CLVS1: variants seen among roughly 807,000 people sequenced by gnomAD.
CLVS1 encodes the protein clavesin 1.
CLVS1 carries 10 observed loss-of-function variants against 33.1 expected under a neutral mutation model. The observed-to-expected ratio is 0.30, with a 90% CI of 0.19 to 0.51. CLVS1 has a LOEUF of 0.51. Among genes scored for constraint, CLVS1 ranks in the 20% least tolerant of loss-of-function variants. The pLI, the probability that CLVS1 is intolerant of heterozygous loss-of-function variation, is 0.97. For synonymous variants in CLVS1, 163 were observed against 166.1 expected, an observed-to-expected ratio of 0.98 and a Z score of 0.14; for missense variants, 343 against 433.4, an observed-to-expected ratio of 0.79 and a Z score of 1.85.
chr8:61,147,419 AC>A (rs1806442597), intron 2 of CLVS1, among the ~76,000 whole-genome samples: 1 of 151,972 alleles, frequency 6.6e-6, no homozygotes, highest in Admixed American at 6.6e-5. Context: ...AATTGAAAAA[AC>A]CCGGGTGTAA....
At chr8:61,477,810 C>G (rs1818012975) in intron 5 of CLVS1, among the ~76,000 whole-genome samples, 1 of 152,162 alleles carries the variant, frequency 6.6e-6, no homozygotes, top group South Asian at 2.1e-4. Flanking sequence ...CATTTCTGCT[C>G]TGATCTTAGT....
chr8:61,061,500 C>G (rs1286071774), intron 1 of CLVS1, among the ~76,000 whole-genome samples: 3 of 152,098 alleles, frequency 2.0e-5, no homozygotes, highest in Admixed American at 1.3e-4. Context: ...TCCGGCTCCT[C>G]CCCATGAAGT....
chr8:60,999,663 A>T, the CLVS1 span, among the ~76,000 whole-genome samples: 7 of 152,382 alleles, frequency 4.6e-5, no homozygotes, highest in African/African-American at 1.4e-4. Flanking sequence ...CAGAAAATAG[A>T]TAAAAGATGA....
intron 1 of CLVS1, among the ~76,000 whole-genome samples, chr8:61,099,882 A>G (rs757349846): frequency 5.3e-5 from 8 of 152,270 alleles, no homozygotes; most frequent in Non-Finnish European, 1.2e-4. Flanking sequence ...GAATATACTT[A>G]AAAATACAAG....
the CLVS1 span, among the ~76,000 whole-genome samples, chr8:61,001,654 C>T: frequency 1.7e-3 from 258 of 152,322 alleles, no homozygotes; most frequent in African/African-American, 6.0e-3. Context: ...CTCCCCTTTG[C>T]CTTTTAAATC....
intron 2 of CLVS1, among the ~76,000 whole-genome samples, chr8:61,204,951 G>T (rs75526282): frequency 6.6e-6 from 1 of 152,268 alleles, no homozygotes; most frequent in African/African-American, 2.4e-5. Flanking sequence ...ATTAGAAATG[G>T]TTGAACTTTT....
Position 61,370,276 on chromosome 8 carries a change from T to G in CLVS1, c.456-6329T>G, listed in dbSNP as rs181918861. 7 of 152,254 alleles carry G rather than the reference T, an allele frequency of 4.6e-5. No homozygotes were observed. The East Asian group carries it at 1.4e-3, about 29-fold the overall frequency. The allele number at this position is 152,254 out of a possible 1,614,324, so 9.4% of individuals were successfully genotyped here. A position where few individuals can be genotyped will look rare whatever the true frequency, so the allele number is the denominator to read the frequency against. On this transcript the variant is annotated intron_variant, in intron 2 of 5. Coordinates refer to ENST00000325897, the MANE Select transcript of CLVS1 (RefSeq NM_173519.3). The stretch of plus-strand genomic sequence containing the variant: ...GTGTTCGGTTACATGGATAAGTTCT[T>G]TAGTAGATTTTGGTGCACCTGTCAC...
At chr8:61,362,335 G>C (rs1005680157) in intron 2 of CLVS1, among the ~76,000 whole-genome samples, 5 of 152,138 alleles carry the variant, frequency 3.3e-5, no homozygotes, top group Non-Finnish European at 7.4e-5. Context: ...TTCATACATT[G>C]GTCAGTCTCC....
At chr8:61,030,456 G>C in the CLVS1 span, among the ~76,000 whole-genome samples, 1 of 152,170 alleles carries the variant, frequency 6.6e-6, no homozygotes. Context: ...TGGTTATAGG[G>C]AAATAAAGGC....
chr8:61,354,995 T>G (rs1280745287), intron 2 of CLVS1, among the ~76,000 whole-genome samples: 1 of 152,202 alleles, frequency 6.6e-6, no homozygotes, highest in East Asian at 1.9e-4. Context: ...CATCTGAATC[T>G]ACAGTTACCT....
chr8:61,296,077 C>T (rs1441207887), intron 1 of CLVS1, among the ~76,000 whole-genome samples: 1 of 152,152 alleles, frequency 6.6e-6, no homozygotes. Context: ...AATGCTATAT[C>T]CTGGTGAACA....
chr8:61,146,118 A>G (rs573425298), intron 2 of CLVS1, among the ~76,000 whole-genome samples: 1 of 152,258 alleles, frequency 6.6e-6, no homozygotes, highest in South Asian at 2.1e-4. Context: ...TGTCATCACC[A>G]TCAACATCAG....
chr8:61,211,150 T>C (rs967091404), intron 2 of CLVS1, among the ~76,000 whole-genome samples: 1 of 152,016 alleles, frequency 6.6e-6, no homozygotes, highest in Non-Finnish European at 1.5e-5. Flanking sequence ...TTCTGAACAG[T>C]TTCAGTCAGG....
intron 3 of CLVS1, among the ~76,000 whole-genome samples, chr8:61,381,500 G>A (rs564100409): frequency 8.5e-5 from 13 of 152,180 alleles, no homozygotes; most frequent in East Asian, 1.9e-4. Context: ...TAAACTGTAC[G>A]TTGCTGAGGT....
At position 61,275,117 on chromosome 8, in the gene CLVS1, C is replaced by T. The variant is rs138390898; in HGVS notation, c.-151-24560C>T. ...AATTGGAGTGGAAGAAAAATATTATCGAACCCAGAGATTGCAAACAGGAGA... is the reference window on the plus strand; with the variant it reads ...AATTGGAGTGGAAGAAAAATATTATTGAACCCAGAGATTGCAAACAGGAGA... On this transcript the variant is annotated intron_variant, in intron 2 of 2. Coordinates refer to the CLVS1 transcript ENST00000522621. Among the ~76,000 whole-genome samples the T allele has an allele frequency of 5.9e-5, 9 of 152,236 alleles. No homozygotes were observed. In the East Asian group the frequency reaches 1.2e-3, roughly 20 times the overall value.
At chr8:61,307,592 C>T (rs870002) in intron 2 of CLVS1, among the ~76,000 whole-genome samples, 77,312 of 151,840 alleles carry the variant, frequency 0.51, 20,245 homozygotes, top group East Asian at 0.82. Context: ...TTTTAAAAAC[C>T]CACAATGCAA....
At chr8:61,464,000 G>A (rs1385500344) in intron 5 of CLVS1, among the ~76,000 whole-genome samples, 1 of 151,098 alleles carries the variant, frequency 6.6e-6, no homozygotes, top group African/African-American at 2.5e-5. Flanking sequence ...TTGAACCTGG[G>A]CGGGTGGAGG....
rs369025438 is a variant in CLVS1 at position 61,181,697 on chromosome 8, C to CTTTTTTT, written c.-152+49851_-152+49857dup. 5.4e-4 allele frequency among the ~76,000 whole-genome samples: 56 copies of CTTTTTTT among 103,188 alleles called. 1 individual carries two copies. Among genetic ancestry groups the CTTTTTTT allele is most frequent in the Non-Finnish European group, 8.8e-4 (47 of 53,544 alleles). The allele number at this position is 103,188 out of a possible 152,430, so 67.7% of individuals were successfully genotyped here. A position where few individuals can be genotyped will look rare whatever the true frequency, so the allele number is the denominator to read the frequency against. ...TACCACACATCTACAACCATCTGAT[C>CTTTTTTT]TTTTTTTTTTTTTTTTTTTTGAGAT... On this transcript the variant is annotated intron_variant, in intron 2 of 2. Transcript: ENST00000522621.
At chr8:61,130,752 C>A (rs1460876644) in intron 1 of CLVS1, among the ~76,000 whole-genome samples, 7 of 152,146 alleles carry the variant, frequency 4.6e-5, no homozygotes, top group Admixed American at 3.9e-4. Context: ...ATGATAGTAA[C>A]CCCACACCCC....
Sources: allele counts gnomAD v4.1 joint callset (sites outside exome capture counted in the v4.1 genomes callset), GRCh38; gene constraint gnomAD v4.1.1; transcripts MANE v1.5; gene names NCBI Gene and HGNC (gene_info 2026-07-23, HGNC 2026-07-21).